ARID5B: variants seen among roughly 807,000 people sequenced by gnomAD.
The protein encoded by ARID5B is AT-rich interactive domain-containing protein 5B.
ARID5B carries 13 observed loss-of-function variants against 97.2 expected under a neutral mutation model. The ratio of observed to expected loss-of-function variants is 0.13; its 90% CI spans 0.09 to 0.21. ARID5B has a LOEUF of 0.21. Ranked by LOEUF, ARID5B falls within the 10% of genes least tolerant of loss-of-function variation. ARID5B has a pLI of 1.00. For synonymous variants in ARID5B, 556 were observed against 570.3 expected (o/e 0.97, Z 0.36); for missense variants, 1,210 against 1,465.3 (o/e 0.83, Z 2.84).
chr10:61,954,303 GC>G, intron 3 of ARID5B, among the ~76,000 whole-genome samples: 1 of 152,154 alleles, frequency 6.6e-6, no homozygotes, highest in East Asian at 1.9e-4. Flanking sequence ...GTTGCAGTGA[GC>G]CAAGATTGCG....
intron 3 of ARID5B, among the ~76,000 whole-genome samples, chr10:61,982,679 C>T (rs1838793107): frequency 6.6e-6 from 1 of 152,148 alleles, no homozygotes; most frequent in African/African-American, 2.4e-5. Flanking sequence ...CTTCCACTAA[C>T]TTGTGCATGA....
Position 62,059,188 on chromosome 10 carries a change from T to C in ARID5B, c.1049-55T>C, listed in dbSNP as rs552832212. On this transcript the variant is annotated intron_variant, in intron 6 of 9. Coordinates refer to ENST00000279873, the MANE Select transcript of ARID5B (RefSeq NM_032199.3). The stretch of plus-strand genomic sequence containing the variant: ...AAAAAAAAATGTTTTAATTGACATT[T>C]CTTGGAAGTATGTTAATGCAATGCT... 7.4e-5 allele frequency: 102 copies of C among 1,371,892 alleles called. 2 individuals carry two copies. In the South Asian group the frequency reaches 1.3e-3, roughly 17 times the overall value. 85.0% of individuals were successfully genotyped at this position (1,371,892 alleles called of 1,614,324 possible). A position where few individuals can be genotyped will look rare whatever the true frequency, so the allele number is the denominator to read the frequency against.
intron 9 of ARID5B, among the ~76,000 whole-genome samples, chr10:62,087,322 A>T (rs1399563443): frequency 6.7e-6 from 1 of 150,170 alleles, no homozygotes; most frequent in Non-Finnish European, 1.5e-5. Context: ...AAAAAAAGGA[A>T]AAAAGATCTT....
At chr10:61,967,428 A>G (rs4506592) in intron 3 of ARID5B, among the ~76,000 whole-genome samples, 98,878 of 152,120 alleles carry the variant, frequency 0.65, 32,426 homozygotes, top group African/African-American at 0.7. Flanking sequence ...TATCTACCTT[A>G]CTTATCTTCA....
chr10:62,009,603 C>A (rs1201504591), intron 4 of ARID5B, among the ~76,000 whole-genome samples: 1 of 152,112 alleles, frequency 6.6e-6, no homozygotes, highest in Non-Finnish European at 1.5e-5. Context: ...CCCACACACC[C>A]CCAGGTCTAC....
chr10:62,059,211 G>T, intron 6 of ARID5B, 32 bp from the exon 7 acceptor site: 1 of 1,552,464 alleles, frequency 6.4e-7, no homozygotes, highest in South Asian at 1.2e-5. Context: ...TTAATGCAAT[G>T]CTTATCTAAA....
intron 3 of ARID5B, among the ~76,000 whole-genome samples, chr10:61,969,160 C>T (rs1416353320): frequency 2.0e-5 from 3 of 152,238 alleles, no homozygotes; most frequent in Admixed American, 6.5e-5. Flanking sequence ...AATACCCTCC[C>T]CCCCAAATAA....
chr10:61,960,585 T>TA, intron 3 of ARID5B, among the ~76,000 whole-genome samples: 1 of 151,760 alleles, frequency 6.6e-6, no homozygotes, highest in South Asian at 2.1e-4. Context: ...GAGTTCTGCA[T>TA]ATTGTTTTTG....
In ARID5B at chr10:62,091,431, G is replaced by C; in HGVS notation, c.1968G>C (p.Met656Ile). ...PKVLVVQSFDMFKDKDLTGPM... is the reference protein window; with the variant it reads ...PKVLVVQSFDIFKDKDLTGPM... Reference sequence around the variant, plus strand: ...TCCTTGTGGTCCAGTCGTTTGACATGTTCAAAGACAAAGACCTGACTGGGC... The same window carrying C: ...TCCTTGTGGTCCAGTCGTTTGACATCTTCAAAGACAAAGACCTGACTGGGC... Residue 656 changes from methionine (M) to isoleucine (I), a missense_variant, in exon 10 of 10, where the codon ATG (methionine) becomes ATC (isoleucine). Met to Ile is a conservative substitution (Grantham distance 10). Coordinates refer to ENST00000279873, the MANE Select transcript of ARID5B (RefSeq NM_032199.3). 2 of 1,612,296 alleles carry C rather than the reference G, an allele frequency of 1.2e-6. No individual in the cohort carries two copies. Among genetic ancestry groups the C allele is most frequent in the Non-Finnish European group, 1.7e-6 (2 of 1,178,894 alleles).
In ARID5B at chr10:62,000,395, C is replaced by A; in HGVS notation, c.733+74C>A. 7.4e-7 allele frequency: 1 copy of A among 1,357,466 alleles called. No individual in the cohort carries two copies. The allele number at this position is 1,357,466 out of a possible 1,614,324, so 84.1% of individuals were successfully genotyped here. ...AGTTGTTTTCAGTTCTTCTGAAGAG[C>A]GGTGATGGGGAACGGGGCTCACTTT... On this transcript the variant is annotated intron_variant, in intron 4 of 9. Transcript: ENST00000279873. The surrounding 1 kb of genome is among the most constrained non-coding windows in gnomAD (Gnocchi z 4.4).
intron 4 of ARID5B, chr10:62,024,529 G>T: frequency 2.8e-6 from 1 of 359,818 alleles, no homozygotes; most frequent in Admixed American, 4.7e-5. Context: ...CATACCTCGG[G>T]ACTTTATCTC....
At position 62,000,038 on chromosome 10, in the gene ARID5B, A is replaced by T; in HGVS notation, c.503-53A>T. 5 of 1,545,012 alleles carry T rather than the reference A, an allele frequency of 3.2e-6. No homozygotes were observed. The highest frequency in any genetic ancestry group is 4.5e-6 in the Non-Finnish European group (5 of 1,118,736). On this transcript the variant is annotated intron_variant, in intron 3 of 9. Coordinates refer to ENST00000279873, the MANE Select transcript of ARID5B (RefSeq NM_032199.3). The surrounding 1 kb of genome is among the most constrained non-coding windows in gnomAD (Gnocchi z 4.4). ...TATTGAAATTATACCATGGCCATGAAAGTTCTTTGTCAGAGGGAAGAGGGT... is the reference window on the plus strand; with the variant it reads ...TATTGAAATTATACCATGGCCATGATAGTTCTTTGTCAGAGGGAAGAGGGT...
Position 62,095,649 on chromosome 10 carries a change from GTTAT to G in ARID5B, c.*2622_*2625del, listed in dbSNP as rs1291189139. ...TACGCATTCCCAACAGAAGCAGTGT[GTTAT>G]TTGTTTTAAAACTCTGAACAGAGAT... On this transcript the variant is annotated 3_prime_UTR_variant, in exon 10 of 10. Transcript: ENST00000279873. 1.3e-5 allele frequency: 3 copies of G among 233,108 alleles called. No homozygotes were observed. The highest frequency in any genetic ancestry group is 2.2e-5 in the African/African-American group (1 of 45,308). The allele number at this position is 233,108 out of a possible 1,614,324, so 14.4% of individuals were successfully genotyped here.
At chr10:62,008,224 GGATACGTTTATA>G (rs1476177033) in intron 4 of ARID5B, among the ~76,000 whole-genome samples, 1 of 152,116 alleles carries the variant, frequency 6.6e-6, no homozygotes, top group East Asian at 1.9e-4. Flanking sequence ...ATGAATGGAT[GGATACGTTTATA>G]GCGTATGTCA....
At chr10:62,090,213 T>TAGTCTCCTCTGTCTA (rs1554851584) in intron 9 of ARID5B, among the ~76,000 whole-genome samples, 1 of 152,244 alleles carries the variant, frequency 6.6e-6, no homozygotes. Flanking sequence ...TAGAAGGACT[T>TAGTCTCCTCTGTCTA]AGTCTCCTCT....
At chr10:62,041,932 C>T (rs1020164027) in intron 4 of ARID5B, among the ~76,000 whole-genome samples, 4 of 152,144 alleles carry the variant, frequency 2.6e-5, no homozygotes, top group African/African-American at 9.7e-5. Context: ...CACCAAAGAA[C>T]ATATCAATCA....
chr10:62,060,776 G>A (rs1167025806), intron 7 of ARID5B, among the ~76,000 whole-genome samples: 1 of 152,170 alleles, frequency 6.6e-6, no homozygotes, highest in Non-Finnish European at 1.5e-5. Flanking sequence ...CATGACTGCA[G>A]ATAGTTATAT....
At chr10:61,957,411 G>C (rs1838406418) in intron 3 of ARID5B, among the ~76,000 whole-genome samples, 1 of 152,168 alleles carries the variant, frequency 6.6e-6, no homozygotes, top group Non-Finnish European at 1.5e-5. Context: ...TGAGACTACA[G>C]GTGCAAACCA....
rs139680498 is a variant in ARID5B, at chr10:62,020,705, T to G, written c.733+20384T>G. ...GTCTGCCATCCAGATTTAGAGTGCTTTTAGCTTTTTTAATTAAAGACATTT... is the reference window on the plus strand; with the variant it reads ...GTCTGCCATCCAGATTTAGAGTGCTGTTAGCTTTTTTAATTAAAGACATTT... On this transcript the variant is annotated intron_variant, in intron 4 of 9. Transcript: ENST00000279873. Among the ~76,000 whole-genome samples, 101 of 152,188 alleles carry G rather than the reference T, an allele frequency of 6.6e-4. 2 individuals are homozygous for G. The East Asian group carries it at 0.019, about 28-fold the overall frequency.
Sources: gnomAD v4.1 joint callset for allele counts (sites outside exome capture counted in the v4.1 genomes callset) on GRCh38, gnomAD v4.1.1 for gene constraint, Gnocchi (gnomAD v3.1) non-coding constraint, MANE v1.5 for transcripts, NCBI Gene and HGNC (gene_info 2026-07-23, HGNC 2026-07-21) for gene names.